Variants in C6 observed in about 807,000 individuals in gnomAD.
C6 encodes the protein complement component C6.
C6 carries 101 observed loss-of-function variants against 112.9 expected under a neutral mutation model. That is an observed-to-expected ratio of 0.89 (90% CI 0.76 to 1.06). The LOEUF (loss-of-function observed/expected upper bound fraction) is 1.06. Among genes scored for constraint, C6 ranks in the 50% least tolerant of loss-of-function variants. C6 has a pLI of 0.00. For missense variants in C6, 1,202 were observed against 1,104.6 expected (o/e 1.09, Z -1.25); for synonymous variants, 431 against 384.1 (o/e 1.12, Z -1.43).
chr5:41,159,464 T>TA, intron 11 of C6: 3 of 985,258 alleles, frequency 3.0e-6, no homozygotes, highest in Non-Finnish European at 3.6e-6. Context: ...TAAGCCTAAA[T>TA]AAAATGGCAA....
chr5:41,158,976 T>C, intron 12 of C6, 106 bp downstream of exon 12: 1 of 1,367,388 alleles, frequency 7.3e-7, no homozygotes, highest in Non-Finnish European at 1.0e-6. Context: ...ATAGGTAAAG[T>C]TCTAATTATT....
rs1212561730 is a variant in C6 at position 41,154,994 on chromosome 5, T to A, written c.2079A>T (p.Arg693Ser). Reference protein sequence around the residue: ...YFRCLPDGTWRQGDVECQRTE... With the variant: ...YFRCLPDGTWSQGDVECQRTE... The stretch of plus-strand genomic sequence containing the variant: ...CACGTTGGCATTCCACATCCCCTTG[T>A]CTCCAGGTCCCGTCTGGTAAGCATC... Residue 693 changes from arginine (R) to serine (S), a missense_variant, in exon 14 of 18, where the codon AGA becomes AGT. Transcript: ENST00000337836. 1.2e-6 allele frequency: 2 copies of A among 1,613,840 alleles called. No homozygotes were observed. The highest frequency in any genetic ancestry group is 1.7e-5 in the Admixed American group (1 of 59,988).
intron 5 of C6, among the ~76,000 whole-genome samples, chr5:41,189,503 A>T (rs1455881333): frequency 2.6e-5 from 4 of 152,060 alleles, no homozygotes; most frequent in Non-Finnish European, 5.9e-5. Context: ...TTACATTTTT[A>T]AAAATTGTCA....
At chr5:41,147,505 C>G (rs996331480) in intron 17 of C6, among the ~76,000 whole-genome samples, 10 of 152,082 alleles carry the variant, frequency 6.6e-5, no homozygotes, top group African/African-American at 2.4e-4. Context: ...TTAAGTGGAT[C>G]GGAAAAGAAC....
At chr5:41,161,083 A>C (rs1256924484) in intron 10 of C6, among the ~76,000 whole-genome samples, 1 of 152,042 alleles carries the variant, frequency 6.6e-6, no homozygotes, top group Non-Finnish European at 1.5e-5. Flanking sequence ...AATGATTGAA[A>C]CCTTTTATCT....
At chr5:41,226,107 C>G (rs1739479841) in intron 1 of C6, among the ~76,000 whole-genome samples, 1 of 152,092 alleles carries the variant, frequency 6.6e-6, no homozygotes, top group East Asian at 1.9e-4. Context: ...CAAATGGGAT[C>G]TAATTAAACT....
At chr5:41,209,368 C>G (rs1445054680) in intron 1 of C6, among the ~76,000 whole-genome samples, 2 of 152,062 alleles carry the variant, frequency 1.3e-5, no homozygotes, top group African/African-American at 4.8e-5. Context: ...AAGTTCTGGC[C>G]AGGGCAATCA....
At chr5:41,207,292 A>G (rs989185122) in intron 1 of C6, among the ~76,000 whole-genome samples, 1 of 152,240 alleles carries the variant, frequency 6.6e-6, no homozygotes, top group African/African-American at 2.4e-5. Context: ...TGTAAAGACC[A>G]TCAATGCTAG....
intron 17 of C6, among the ~76,000 whole-genome samples, chr5:41,145,614 T>C (rs1745746281): frequency 6.6e-6 from 1 of 152,214 alleles, no homozygotes; most frequent in Non-Finnish European, 1.5e-5. Context: ...GGAAAGGAAG[T>C]AGGAGATACT....
At chr5:41,170,560 T>C (rs988819743) in intron 9 of C6, among the ~76,000 whole-genome samples, 9 of 152,128 alleles carry the variant, frequency 5.9e-5, no homozygotes, top group Non-Finnish European at 1.5e-5. Flanking sequence ...GCATGCTATA[T>C]GCCTTTGTGC....
chr5:41,229,365 A>T (rs1445711551), intron 1 of C6, among the ~76,000 whole-genome samples: 1 of 150,620 alleles, frequency 6.6e-6, no homozygotes, highest in African/African-American at 2.4e-5. Context: ...CATAAGTTTC[A>T]GTAAGTTATG....
At chr5:41,153,678 G>C (rs1049760657) in intron 15 of C6, 132 bp downstream of exon 15, 2 of 695,662 alleles carry the variant, frequency 2.9e-6, no homozygotes, top group African/African-American at 3.5e-5. Context: ...GTTCCGGTTT[G>C]ACCCACACTG....
intron 15 of C6, among the ~76,000 whole-genome samples, chr5:41,151,039 G>A (rs1251377774): frequency 6.6e-6 from 1 of 152,160 alleles, no homozygotes; most frequent in Admixed American, 6.6e-5. Context: ...GGTCTTTGAA[G>A]GGTTTTGTCT....
intron 9 of C6, among the ~76,000 whole-genome samples, chr5:41,162,728 T>C (rs1038888735): frequency 6.6e-6 from 1 of 152,202 alleles, no homozygotes; most frequent in African/African-American, 2.4e-5. Context: ...AGCAATTCTA[T>C]AGTAAGATAG....
chr5:41,198,845 G>A (rs1473455391), intron 4 of C6, among the ~76,000 whole-genome samples: 1 of 152,110 alleles, frequency 6.6e-6, no homozygotes, highest in Non-Finnish European at 1.5e-5. Flanking sequence ...TCTAGAGCTT[G>A]ATTTTGATAC....
intron 9 of C6, 80 bp downstream of exon 9, chr5:41,172,145 C>G (rs1748470443): frequency 7.1e-7 from 1 of 1,403,846 alleles, no homozygotes; most frequent in Non-Finnish European, 1.0e-6. Flanking sequence ...AAAAATAGCA[C>G]AGTCACATCC....
intron 1 of C6, among the ~76,000 whole-genome samples, chr5:41,241,979 T>G (rs1740739352): frequency 6.6e-6 from 1 of 152,100 alleles, no homozygotes; most frequent in South Asian, 2.1e-4. Context: ...AAGACAAAAA[T>G]AGTCCTAAGA....
At chr5:41,260,161 C>G (rs991888384) in intron 1 of C6, among the ~76,000 whole-genome samples, 5 of 152,028 alleles carry the variant, frequency 3.3e-5, no homozygotes, top group Middle Eastern at 3.2e-3. Flanking sequence ...TTTTGCTTTT[C>G]GTCCACTATA....
At chr5:41,176,328 G>A in intron 8 of C6, 147 bp downstream of exon 8, 2 of 832,700 alleles carry the variant, frequency 2.4e-6, no homozygotes, top group African/African-American at 1.7e-5. Flanking sequence ...ATTTGAATGT[G>A]TATTTTTTAT....
Sources: gnomAD v4.1 joint callset for allele counts (sites outside exome capture counted in the v4.1 genomes callset) on GRCh38, gnomAD v4.1.1 for gene constraint, MANE v1.5 for transcripts, NCBI Gene and HGNC (gene_info 2026-07-23, HGNC 2026-07-21) for gene names.